The following GRID2 variants were observed in gnomAD, a reference collection of about 807,000 sequenced individuals.
GRID2 encodes glutamate receptor ionotropic, delta-2.
Under a neutral mutation model 114.8 loss-of-function variants are expected in GRID2, and 33 were observed. That is an observed-to-expected ratio of 0.29 (90% confidence interval 0.22 to 0.38). The LOEUF is 0.38. Among genes scored for constraint, GRID2 ranks in the 10% least tolerant of loss-of-function variants. GRID2 has a pLI of 1.00. For missense variants in GRID2, 1,184 were observed against 1,257.7 expected (o/e 0.94, Z 0.89); for synonymous variants, 505 against 449.9 (o/e 1.12, Z -1.55).
intron 2 of GRID2, among the ~76,000 whole-genome samples, chr4:92,898,641 G>A (rs1332903425): frequency 6.6e-6 from 1 of 152,028 alleles, no homozygotes; most frequent in Non-Finnish European, 1.5e-5. Flanking sequence ...CAAAAGTTTG[G>A]GTAGTTCAGA....
chr4:93,467,077 C>A (rs566474425), intron 11 of GRID2, among the ~76,000 whole-genome samples: 8 of 152,154 alleles, frequency 5.3e-5, no homozygotes, highest in African/African-American at 1.9e-4. Context: ...TATACCATGC[C>A]GGATCTGAAA....
Position 93,765,896 on chromosome 4 carries a change from C to T in GRID2, c.2361-3314C>T, listed in dbSNP as rs1022867916. ...TCGTGGTTTAGAATAAATTTTGTAC[C>T]CAAGGAAATGTCTGGAATGAAGTCA... is the stretch of plus-strand genomic sequence containing the variant. On this transcript the variant is annotated intron_variant, in intron 14 of 15. Coordinates refer to ENST00000282020, the MANE Select transcript of GRID2 (RefSeq NM_001510.4). Among the ~76,000 whole-genome samples, 6 of 151,470 alleles carry T rather than the reference C, an allele frequency of 4.0e-5. No individual in the cohort carries two copies. The East Asian group carries it at 9.7e-4, about 25-fold the overall frequency.
At chr4:93,636,605 C>G (rs1035773423) in intron 14 of GRID2, among the ~76,000 whole-genome samples, 1 of 152,116 alleles carries the variant, frequency 6.6e-6, no homozygotes, top group Non-Finnish European at 1.5e-5. Flanking sequence ...ATTCAGTCTA[C>G]TTTTAAAAGG....
At chr4:92,639,380 ATTGAC>A (rs1170113721) in intron 2 of GRID2, among the ~76,000 whole-genome samples, 1 of 151,832 alleles carries the variant, frequency 6.6e-6, no homozygotes, top group African/African-American at 2.4e-5. Context: ...ATGAAGATTA[ATTGAC>A]TTAGTTTAAT....
chr4:93,493,810 C>T (rs183188889), intron 12 of GRID2, among the ~76,000 whole-genome samples: 1 of 151,892 alleles, frequency 6.6e-6, no homozygotes, highest in East Asian at 1.9e-4. Context: ...AAGTGTAGTT[C>T]TACTGCCCAA....
intron 1 of GRID2, among the ~76,000 whole-genome samples, chr4:92,481,987 T>C (rs1362703383): frequency 7.2e-5 from 2 of 27,888 alleles, no homozygotes; most frequent in East Asian, 1.7e-3. Context: ...ATGTGATATA[T>C]ATATATATAT....
At chr4:93,053,055 C>T (rs919520366) in intron 2 of GRID2, among the ~76,000 whole-genome samples, 1 of 151,854 alleles carries the variant, frequency 6.6e-6, no homozygotes, top group East Asian at 1.9e-4. Flanking sequence ...AATGTACTCC[C>T]CTACCAAATT....
At chr4:92,761,428 G>A (rs1028787372) in intron 2 of GRID2, among the ~76,000 whole-genome samples, 1 of 152,128 alleles carries the variant, frequency 6.6e-6, no homozygotes, top group Non-Finnish European at 1.5e-5. Context: ...TCAGATATAA[G>A]AAATAGTAAT....
At chr4:93,600,801 G>A (rs982069243) in intron 13 of GRID2, among the ~76,000 whole-genome samples, 3 of 152,164 alleles carry the variant, frequency 2.0e-5, no homozygotes, top group Non-Finnish European at 4.4e-5. Context: ...AAATGGAAAA[G>A]CATAGTGGTC....
chr4:92,913,125 T>G (rs192810459), intron 2 of GRID2, among the ~76,000 whole-genome samples: 29 of 151,950 alleles, frequency 1.9e-4, no homozygotes, highest in Admixed American at 5.3e-4. Context: ...ACTTTAAAAT[T>G]TCTGTACTTC....
At chr4:93,274,785 G>T (rs539734036) in intron 8 of GRID2, among the ~76,000 whole-genome samples, 152 of 151,976 alleles carry the variant, frequency 1.0e-3, no homozygotes, top group Non-Finnish European at 1.2e-3. Context: ...TAGCTTTTCA[G>T]AAAAAGACAT....
rs549552168 is a variant in GRID2, at chr4:92,373,788, G to T, written c.88+69044G>T. ...TACTTTTGTGGGTTTTACTTTGCTT[G>T]TCACCCTAATATGCACAGAAACTCT... On this transcript the variant is annotated intron_variant, in intron 1 of 15. Coordinates refer to ENST00000282020, the MANE Select transcript of GRID2 (RefSeq NM_001510.4). Among the ~76,000 whole-genome samples the T allele has an allele frequency of 2.0e-5, 3 of 151,894 alleles. No individual in the cohort carries two copies. In the South Asian group the frequency reaches 6.3e-4, roughly 32 times the overall value.
At chr4:93,096,129 G>A (rs538153869) in intron 3 of GRID2, among the ~76,000 whole-genome samples, 11 of 152,006 alleles carry the variant, frequency 7.2e-5, no homozygotes, top group African/African-American at 2.4e-4. Context: ...AAATGTTTAA[G>A]CAACATTGCT....
intron 13 of GRID2, among the ~76,000 whole-genome samples, chr4:93,590,985 A>G (rs371090844): frequency 7.9e-5 from 12 of 151,778 alleles, no homozygotes; most frequent in Admixed American, 5.3e-4. Context: ...TAGATATACA[A>G]TCATGTCATC....
chr4:92,410,402 T>C (rs1362004627), intron 1 of GRID2, among the ~76,000 whole-genome samples: 10 of 152,200 alleles, frequency 6.6e-5, no homozygotes, highest in Non-Finnish European at 1.3e-4. Context: ...AAAAACTTAG[T>C]TGAGAGATAC....
intron 1 of GRID2, among the ~76,000 whole-genome samples, chr4:92,443,622 A>C (rs1276893772): frequency 6.6e-6 from 1 of 152,124 alleles, no homozygotes. Flanking sequence ...TCTCCTCTAG[A>C]AAAGCGGGAC....
chr4:93,591,218 G>C (rs1050978251), intron 13 of GRID2, among the ~76,000 whole-genome samples: 37 of 151,160 alleles, frequency 2.4e-4, no homozygotes, highest in Non-Finnish European at 5.0e-4. Context: ...TTATTATTTT[G>C]AAATATGTCC....
intron 1 of GRID2, among the ~76,000 whole-genome samples, chr4:93,791,288 C>G (rs1459466518): frequency 6.6e-6 from 1 of 152,100 alleles, no homozygotes; most frequent in Non-Finnish European, 1.5e-5. Flanking sequence ...TTTAAATATG[C>G]ACCACCTCGT....
chr4:92,807,295 G>A (rs1373894366), intron 2 of GRID2, among the ~76,000 whole-genome samples: 1 of 151,878 alleles, frequency 6.6e-6, no homozygotes, highest in African/African-American at 2.4e-5. Flanking sequence ...CAGATAAAGT[G>A]TACCCTTTGC....
Sources: gnomAD v4.1 joint callset for allele counts (sites outside exome capture counted in the v4.1 genomes callset) on GRCh38, gnomAD v4.1.1 for gene constraint, MANE v1.5 for transcripts, NCBI Gene and HGNC (gene_info 2026-07-23, HGNC 2026-07-21) for gene names.